The following FAT2 variants were observed in gnomAD, a reference collection of about 807,000 sequenced individuals.
FAT2 encodes the protein FAT atypical cadherin 2.
FAT2 carries 150 observed loss-of-function variants against 295.3 expected under a neutral mutation model. That is an observed-to-expected ratio of 0.51 (90% confidence interval 0.44 to 0.58). FAT2 has a LOEUF of 0.58. Ranked by LOEUF, FAT2 falls within the 20% of genes least tolerant of loss-of-function variation. The pLI is 0.00. For missense variants in FAT2, 4,868 were observed against 5,442.7 expected (o/e 0.89, Z 3.32); for synonymous variants, 2,026 against 2,150.3 (o/e 0.94, Z 1.60).
rs780735099 is a variant in FAT2 at position 151,542,407 on chromosome 5, G to A, written c.8720C>T (p.Ala2907Val). ...CACAGATCCTCTGTACTCTTCAGAA[G>A]CAAATCGGGGAGCATTGTCATTCTC... ...TDENDNAPRF[A>V]SEEYRGSVVE... The change falls in exon 10 of 24, where the codon GCT (alanine) becomes GTT (valine). Residue 2907 changes from alanine (A) to valine (V), a missense_variant. Around this residue, in one of 5 missense-constraint regions of FAT2, gnomAD observed 3,297 missense variants for 3,669.4 expected, o/e 0.90. Coordinates refer to ENST00000261800, the MANE Select transcript of FAT2 (RefSeq NM_001447.3). 3.1e-6 allele frequency: 5 copies of A among 1,614,074 alleles called. No individual in the cohort carries two copies. Among genetic ancestry groups the A allele is most frequent in the African/African-American group, 1.3e-5 (1 of 74,920 alleles).
chr5:151,589,774 G>T (rs571367087), intron 1 of FAT2, among the ~76,000 whole-genome samples: 2 of 152,300 alleles, frequency 1.3e-5, no homozygotes, highest in African/African-American at 4.8e-5. Context: ...GGTGGTGTTT[G>T]TCTGTGGTCC....
chr5:151,556,744 GC>G (rs1757727553), intron 3 of FAT2, among the ~76,000 whole-genome samples: 1 of 152,080 alleles, frequency 6.6e-6, no homozygotes, highest in Non-Finnish European at 1.5e-5. Context: ...AGATGATTTT[GC>G]CCCCTGTAGG....
Position 151,568,782 on chromosome 5 carries a change from G to T in FAT2, c.150C>A (p.Thr50=). 6.2e-7 allele frequency: 1 copy of T among 1,614,150 alleles called. No homozygotes were observed. Among genetic ancestry groups the T allele is most frequent in the African/African-American group, 1.3e-5 (1 of 75,024 alleles). The change falls in exon 2 of 24, where the codon ACC becomes ACA. Residue 50 remains threonine (T), a synonymous_variant. Transcript: ENST00000261800. The part of the protein sequence containing the change: ...ATIYENSSPK[T]YVESFEKMGI... ...CCATTTTCTCGAAGCTCTCCACATA[G>T]GTCTTGGGAGAAGAATTTTCATAGA... is the stretch of plus-strand genomic sequence containing the variant.
intron 14 of FAT2, among the ~76,000 whole-genome samples, chr5:151,530,250 A>G (rs1754441927): frequency 7.1e-6 from 1 of 141,024 alleles, no homozygotes; most frequent in African/African-American, 2.5e-5. Flanking sequence ...TCTTAACACC[A>G]GAAAAAAAAA....
At chr5:151,581,548 G>A (rs368407629) in intron 1 of FAT2, among the ~76,000 whole-genome samples, 2 of 152,240 alleles carry the variant, frequency 1.3e-5, no homozygotes, top group Non-Finnish European at 2.9e-5. Flanking sequence ...GCTGCTCACA[G>A]CTGACATTTA....
At position 151,542,865 on chromosome 5, in the gene FAT2, G is replaced by A. The variant is rs750598567; in HGVS notation, c.8262C>T (p.Pro2754=). Residue 2754 remains proline (P), a synonymous_variant, in exon 10 of 24, where the codon CCC becomes CCT. Coordinates refer to ENST00000261800, the MANE Select transcript of FAT2 (RefSeq NM_001447.3). The part of the protein sequence containing the change: ...PDTGVIKVRK[P]MDHESTKLYQ... ...ACAATTTGGTGGATTCGTGGTCCAT[G>A]GGCTTCCTCACCTTTATGACCCCTG... The A allele has an allele frequency of 3.7e-6, 6 of 1,614,158 alleles. No homozygotes were observed. The highest frequency in any genetic ancestry group is 5.1e-6 in the Non-Finnish European group (6 of 1,180,022).
At chr5:151,524,981 A>G (rs1753840812) in intron 18 of FAT2, among the ~76,000 whole-genome samples, 1 of 152,044 alleles carries the variant, frequency 6.6e-6, no homozygotes, top group Admixed American at 6.6e-5. Context: ...TTATCTGTTT[A>G]TTGTTTATCT....
At chr5:151,591,974 C>T (rs1377821000), upstream of FAT2, among the ~76,000 whole-genome samples, 1 of 152,202 alleles carries the variant, frequency 6.6e-6, no homozygotes, top group Non-Finnish European at 1.5e-5. Context: ...CTGACTTACC[C>T]TCTCTAAGTT....
Position 151,521,791 on chromosome 5 carries a change from T to C in FAT2, c.10802A>G (p.Asn3601Ser), listed in dbSNP as rs754382801. The C allele has an allele frequency of 1.2e-6, 2 of 1,614,156 alleles. No homozygotes were observed. The highest frequency in any genetic ancestry group is 2.2e-5 in the East Asian group (1 of 44,870). Residue 3601 changes from asparagine to serine, a missense_variant, in exon 19 of 24, where the codon AAC (asparagine) becomes AGC (serine). Asn to Ser is a conservative substitution (Grantham distance 46). Transcript: ENST00000261800. ...GAAGGTCCCATCGCTGACCGTGACG[T>C]TGAACGAGTAGTGGCCACGAGGCAG... is the stretch of plus-strand genomic sequence containing the variant. ...QGLPRGHYSFNVTVSDGTFTT... is the reference protein window; with the variant it reads ...QGLPRGHYSFSVTVSDGTFTT...
At chr5:151,523,037 T>C (rs907449793) in intron 18 of FAT2, among the ~76,000 whole-genome samples, 16 of 152,202 alleles carry the variant, frequency 1.1e-4, no homozygotes, top group African/African-American at 3.9e-4. Flanking sequence ...TGCCTTCTTC[T>C]CCTCAGTGAT....
intron 3 of FAT2, among the ~76,000 whole-genome samples, chr5:151,557,085 A>T (rs1036653378): frequency 7.2e-5 from 11 of 152,154 alleles, no homozygotes; most frequent in Admixed American, 5.9e-4. Context: ...TCCCGTCAGG[A>T]TGGTTGCCAG....
At chr5:151,529,059 G>T in intron 15 of FAT2, 119 bp downstream of exon 15, 1 of 815,936 alleles carries the variant, frequency 1.2e-6, no homozygotes, top group Non-Finnish European at 2.0e-6. Context: ...TCAGAGTCAA[G>T]TCTACAGTGT....
chr5:151,549,500 TCGG>T lies in FAT2; in HGVS notation c.4581_4583del (p.Arg1528del). 1 of 1,614,174 alleles carries T rather than the reference TCGG, an allele frequency of 6.2e-7. No individual in the cohort carries two copies. Among genetic ancestry groups the T allele is most frequent in the Non-Finnish European group, 8.5e-7 (1 of 1,180,014 alleles). ...TCCTCTTGATAGGTATTTCCTGGTC[TCGG>T]ACCTATGGGCCCAAAGGGGGTAATT... is the stretch of plus-strand genomic sequence containing the variant. On this transcript the variant is annotated inframe_deletion and splice_region_variant, in exon 9 of 24. Coordinates refer to ENST00000261800, the MANE Select transcript of FAT2 (RefSeq NM_001447.3).
chr5:151,515,867 ATTATCTGC>A (rs1752813947), intron 20 of FAT2, among the ~76,000 whole-genome samples: 1 of 152,184 alleles, frequency 6.6e-6, no homozygotes, highest in South Asian at 2.1e-4. Flanking sequence ...GATCATTGCA[ATTATCTGC>A]TCAAAACCTT....
Position 151,567,507 on chromosome 5 carries a change from G to A in FAT2, c.1425C>T (p.Thr475=), listed in dbSNP as rs1758332974. Residue 475 remains threonine (T), a synonymous_variant, in exon 2 of 24, where the codon ACC becomes ACT. Transcript: ENST00000261800. ...CAGTGGCAGTCACAGCCAAAACACT[G>A]GTGCCTGGAGGGATGTTCTCATCCA... The part of the protein sequence containing the change: ...GTLDENIPPG[T]SVLAVTATDR... The A allele has an allele frequency of 6.2e-7, 1 of 1,614,156 alleles. No individual in the cohort carries two copies. The highest frequency in any genetic ancestry group is 1.7e-5 in the Admixed American group (1 of 60,030).
Position 151,556,374 on chromosome 5 carries a change from G to C in FAT2, c.3603C>G (p.Asp1201Glu). Residue 1201 changes from aspartate (D) to glutamate (E), a missense_variant, in exon 4 of 24, where the codon GAC becomes GAG. Asp to Glu is a conservative substitution (Grantham distance 45). Coordinates refer to ENST00000261800, the MANE Select transcript of FAT2 (RefSeq NM_001447.3). ...GGATGTGTTCATCCTTGTTCTCTCT[G>C]TCCAGCTGCTGGGCTGTAGATAGGA... ...TGLLSTAQQL[D>E]RENKDEHILE... is the part of the protein sequence containing the mutation. 6.2e-7 allele frequency: 1 copy of C among 1,613,784 alleles called. No homozygotes were observed. The highest frequency in any genetic ancestry group is 1.1e-5 in the South Asian group (1 of 91,058).
chr5:151,552,699 G>A (rs1418683616), intron 6 of FAT2, among the ~76,000 whole-genome samples: 1 of 152,178 alleles, frequency 6.6e-6, no homozygotes, highest in Admixed American at 6.5e-5. Context: ...TTCAGAGAAG[G>A]CCATCAGAGC....
chr5:151,541,790 C>T (rs1756173849), intron 10 of FAT2, among the ~76,000 whole-genome samples: 1 of 152,308 alleles, frequency 6.6e-6, no homozygotes, highest in African/African-American at 2.4e-5. Flanking sequence ...CCTTGGTTTC[C>T]ACATACGTGA....
chr5:151,510,223 A>G, intron 21 of FAT2, 49 bp from the exon 22 acceptor site: 2 of 1,597,274 alleles, frequency 1.3e-6, no homozygotes, highest in Non-Finnish European at 1.7e-6. Context: ...CTAGCAGTTA[A>G]AGGAGACCTG....
Sources: allele counts gnomAD v4.1 joint callset (sites outside exome capture counted in the v4.1 genomes callset), GRCh38; gene constraint gnomAD v4.1.1; regional missense constraint gnomAD v4.1.1; transcripts MANE v1.5; gene names NCBI Gene and HGNC (gene_info 2026-07-23, HGNC 2026-07-21).